Variants in ITGB1BP1 observed in about 807,000 individuals in gnomAD.
The protein encoded by ITGB1BP1 is integrin subunit beta 1 binding protein 1, also known as integrin beta-1-binding protein 1.
ITGB1BP1 carries 20 observed loss-of-function variants against 28.0 expected under a neutral mutation model. The ratio of observed to expected loss-of-function variants is 0.71; its 90% CI spans 0.50 to 1.04. The LOEUF (loss-of-function observed/expected upper bound fraction) is 1.04, where lower values mean the gene tolerates loss of function less well. Among genes scored for constraint, ITGB1BP1 ranks in the 50% least tolerant of loss-of-function variants. The pLI is 0.00. For missense variants in ITGB1BP1, 228 were observed against 242.5 expected (o/e 0.94, Z 0.40); for synonymous variants, 103 against 89.5 (o/e 1.15, Z -0.85).
intron 2 of ITGB1BP1, among the ~76,000 whole-genome samples, chr2:9,416,128 T>C (rs1338975486): frequency 6.6e-6 from 1 of 152,196 alleles, no homozygotes; most frequent in Non-Finnish European, 1.5e-5. Context: ...CACTCACTCA[T>C]TGACCCGACT....
At chr2:9,413,663 A>G (rs1356447961) in intron 3 of ITGB1BP1, among the ~76,000 whole-genome samples, 1 of 152,086 alleles carries the variant, frequency 6.6e-6, no homozygotes, top group African/African-American at 2.4e-5. Flanking sequence ...GGGCAGCTGC[A>G]TAAATATCTA....
Position 9,405,815 on chromosome 2 carries a change from A to G in ITGB1BP1, c.*1019T>C, listed in dbSNP as rs909514500. ...GCGGTAATCTTTTAAGGTTCTCTTA[A>G]CTCTAGGAATTGTGGTTGGCCAGCA... On this transcript the variant is annotated 3_prime_UTR_variant, in exon 7 of 7. Coordinates refer to ENST00000355346, the MANE Select transcript of ITGB1BP1 (RefSeq NM_004763.5). 1.3e-5 allele frequency: 2 copies of G among 152,084 alleles called. No homozygotes were observed. Among genetic ancestry groups the G allele is most frequent in the Admixed American group, 6.5e-5 (1 of 15,268 alleles). The allele number at this position is 152,084 out of a possible 1,614,324, so 9.4% of individuals were successfully genotyped here.
At chr2:9,417,195 CACA>C (rs1679252730) in intron 2 of ITGB1BP1, among the ~76,000 whole-genome samples, 1 of 152,092 alleles carries the variant, frequency 6.6e-6, no homozygotes, top group Non-Finnish European at 1.5e-5. Context: ...CCCAGGTCTT[CACA>C]ACACCTGCAC....
rs532999399 is a variant in ITGB1BP1 at position 9,417,644 on chromosome 2, C to T, written c.72+982G>A. On this transcript the variant is annotated intron_variant, in intron 2 of 6. Coordinates refer to ENST00000355346, the MANE Select transcript of ITGB1BP1 (RefSeq NM_004763.5). ...ATGTTGGCCAGGTTGGTCTCAAACT[C>T]CTGACCTCAGGTGATCTGCCTGCCT... 2.4e-4 allele frequency among the ~76,000 whole-genome samples: 36 copies of T among 152,258 alleles called. No individual in the cohort carries two copies. The South Asian group carries it at 7.1e-3, about 30-fold the overall frequency.
chr2:9,413,983 G>A (rs1678793760), intron 3 of ITGB1BP1, among the ~76,000 whole-genome samples, 195 bp downstream of exon 3: 1 of 152,108 alleles, frequency 6.6e-6, no homozygotes, highest in South Asian at 2.1e-4. Flanking sequence ...CAAAGGCTAT[G>A]TGGTTTCCCC....
At chr2:9,423,137 C>T in intron 1 of ITGB1BP1, 1 of 1,008,310 alleles carries the variant, frequency 9.9e-7, no homozygotes, top group Non-Finnish European at 1.2e-6. Context: ...GGGGCGACAG[C>T]GGCTCGGGAA....
At chr2:9,421,676 G>C (rs1367831204) in intron 1 of ITGB1BP1, among the ~76,000 whole-genome samples, 3 of 144,532 alleles carry the variant, frequency 2.1e-5, no homozygotes, top group Admixed American at 1.4e-4. Flanking sequence ...GAAAGAGCGA[G>C]ACTCCGTCTC....
rs1167710216 is a variant in ITGB1BP1 at position 9,412,930 on chromosome 2, T to C, written c.152-525A>G. ...CAGGAAGCCTACTCTTCCTCTATCG[T>C]TCCATCAGAAAGACCACATAGTTTG... On this transcript the variant is annotated intron_variant, in intron 3 of 6. Transcript: ENST00000355346. 2.6e-5 allele frequency among the ~76,000 whole-genome samples: 4 copies of C among 152,184 alleles called. No individual in the cohort carries two copies. The East Asian group carries it at 7.7e-4, about 29-fold the overall frequency.
intron 1 of ITGB1BP1, 32 bp from the exon 2 acceptor site, chr2:9,418,764 C>T (rs915367886): frequency 9.0e-6 from 12 of 1,337,884 alleles, no homozygotes; most frequent in African/African-American, 1.5e-5. Context: ...ACAGTTACAT[C>T]GGGAAAAGCA....
At chr2:9,417,865 C>G (rs773541644) in intron 2 of ITGB1BP1, among the ~76,000 whole-genome samples, 2 of 151,932 alleles carry the variant, frequency 1.3e-5, no homozygotes, top group Non-Finnish European at 2.9e-5. Context: ...ATTTTCTCCC[C>G]CAACTGAAAT....
chr2:9,422,633 C>CCAG, intron 1 of ITGB1BP1: 1 of 985,606 alleles, frequency 1.0e-6, no homozygotes, highest in Non-Finnish European at 1.2e-6. Context: ...AGGCGGAGCT[C>CCAG]GGTGACTCCT....
chr2:9,423,438 T>C lies in ITGB1BP1; in HGVS notation c.-101A>G, dbSNP rs2148927183. On this transcript the variant is annotated 5_prime_UTR_variant, in exon 1 of 7. Coordinates refer to ENST00000355346, the MANE Select transcript of ITGB1BP1 (RefSeq NM_004763.5). The stretch of plus-strand genomic sequence containing the variant: ...GTCCGCGTGGGAGTGCCGCGGCCTT[T>C]GGCGCCCAGGCAGCTACTCCCGTTC... 8.7e-7 allele frequency: 1 copy of C among 1,149,988 alleles called. No individual in the cohort carries two copies. The highest frequency in any genetic ancestry group is 1.8e-5 in the South Asian group (1 of 54,810). 71.2% of individuals were successfully genotyped at this position (1,149,988 alleles called of 1,614,324 possible). A position where few individuals can be genotyped will look rare whatever the true frequency, so the allele number is the denominator to read the frequency against.
chr2:9,410,115 A>T (rs1453158986), intron 4 of ITGB1BP1, among the ~76,000 whole-genome samples: 3 of 151,958 alleles, frequency 2.0e-5, no homozygotes, highest in Non-Finnish European at 4.4e-5. Flanking sequence ...AAAGTGCTGG[A>T]ATTATAGGCC....
At chr2:9,414,074 G>A in intron 3 of ITGB1BP1, 104 bp downstream of exon 3, 1 of 973,422 alleles carries the variant, frequency 1.0e-6, no homozygotes, top group Non-Finnish European at 1.6e-6. Context: ...CAAAGGAGAG[G>A]AAGAAAGCCA....
chr2:9,403,567 A>C lies in ITGB1BP1; in HGVS notation c.*3267T>G. ...GAAAAACTGAATTTCCCAACAGGTG[A>C]ACTGAAAAGTTATTTTAACTATTAT... is the stretch of plus-strand genomic sequence containing the variant. On this transcript the variant is annotated 3_prime_UTR_variant, in exon 7 of 7. Transcript: ENST00000355346. 2.0e-6 allele frequency: 1 copy of C among 506,446 alleles called. No homozygotes were observed. The highest frequency in any genetic ancestry group is 2.9e-5 in the South Asian group (1 of 34,790). The allele number at this position is 506,446 out of a possible 1,614,324, so 31.4% of individuals were successfully genotyped here. A position where few individuals can be genotyped will look rare whatever the true frequency, so the allele number is the denominator to read the frequency against.
Position 9,423,494 on chromosome 2 carries a change from T to C in ITGB1BP1, c.-157A>G, listed in dbSNP as rs567981509. The C allele has an allele frequency of 8.3e-7, 1 of 1,199,516 alleles. No homozygotes were observed. Among genetic ancestry groups the C allele is most frequent in the Non-Finnish European group, 1.1e-6 (1 of 948,068 alleles). 74.3% of individuals were successfully genotyped at this position (1,199,516 alleles called of 1,614,324 possible). On this transcript the variant is annotated 5_prime_UTR_variant, in exon 1 of 7. Transcript: ENST00000355346. ...CCAGCGCCGGCTTTTCCAGCCCTCC[T>C]GCCCACGTCCGCCGGGCCGCGCCTC...
intron 5 of ITGB1BP1, 56 bp downstream of exon 5, chr2:9,408,057 G>T: frequency 1.0e-6 from 1 of 955,588 alleles, no homozygotes; most frequent in Non-Finnish European, 1.7e-6. Context: ...GGCTCTTAAT[G>T]GCCTGAATTC....
In ITGB1BP1 at chr2:9,404,887, T is replaced by G. The variant is rs1299678209; in HGVS notation, c.*1947A>C. On this transcript the variant is annotated 3_prime_UTR_variant, in exon 7 of 7. Transcript: ENST00000355346. ...TTATATCTGTAGTTTTTTGTTTTTG[T>G]TTTTTTTTAAAGCACTACATCTGTT... The G allele has an allele frequency of 6.6e-6, 1 of 151,648 alleles. No individual in the cohort carries two copies. The highest frequency in any genetic ancestry group is 2.4e-5 in the African/African-American group (1 of 41,202). The allele number at this position is 151,648 out of a possible 1,614,324, so 9.4% of individuals were successfully genotyped here.
At chr2:9,423,139 G>A (rs1018801415) in intron 1 of ITGB1BP1, 1 of 1,009,532 alleles carries the variant, frequency 9.9e-7, no homozygotes, top group Non-Finnish European at 1.2e-6. Flanking sequence ...GGCGACAGCG[G>A]CTCGGGAAGC....
Sources: allele counts gnomAD v4.1 joint callset (sites outside exome capture counted in the v4.1 genomes callset), GRCh38; gene constraint gnomAD v4.1.1; transcripts MANE v1.5; gene names NCBI Gene and HGNC (gene_info 2026-07-23, HGNC 2026-07-21).